INPP4A: variants seen among roughly 807,000 people sequenced by gnomAD.
The protein encoded by INPP4A is inositol polyphosphate-4-phosphatase type I A, also known as inositol polyphosphate-4-phosphatase, type I, 107kD.
In INPP4A, 33 loss-of-function variants were observed where a neutral mutation model predicts 119.8. The ratio of observed to expected loss-of-function variants is 0.28; its 90% CI spans 0.21 to 0.37. The LOEUF (loss-of-function observed/expected upper bound fraction) is 0.37, where lower values mean the gene tolerates loss of function less well. Among genes scored for constraint, INPP4A ranks in the 10% least tolerant of loss-of-function variants. The pLI is 1.00. For missense variants in INPP4A, 956 were observed against 1,289.9 expected (o/e 0.74, Z 3.97); for synonymous variants, 496 against 500.7 (o/e 0.99, Z 0.12).
chr2:98,445,138 CCGGGGA>C (rs1693949630), intron 1 of INPP4A, 53 bp downstream of exon 1: 1 of 151,404 alleles, frequency 6.6e-6, no homozygotes, highest in Non-Finnish European at 1.5e-5. Context: ...GGGGCCGGGG[CCGGGGA>C]CGGACAGCGG....
intron 24 of INPP4A, among the ~76,000 whole-genome samples, chr2:98,585,549 C>T (rs1180486648): frequency 6.6e-6 from 1 of 152,238 alleles, no homozygotes; most frequent in Non-Finnish European, 1.5e-5. Context: ...TTGGCCTCTG[C>T]AGCAGGAAAC....
At chr2:98,571,183 A>G (rs1352101014) in intron 22 of INPP4A, among the ~76,000 whole-genome samples, 1 of 152,212 alleles carries the variant, frequency 6.6e-6, no homozygotes, top group Non-Finnish European at 1.5e-5. Flanking sequence ...TGGGCCCCCT[A>G]CTATCCACTT....
intron 16 of INPP4A, among the ~76,000 whole-genome samples, chr2:98,558,431 G>A (rs575531163): frequency 1.3e-4 from 20 of 152,210 alleles, no homozygotes; most frequent in Non-Finnish European, 2.4e-4. Context: ...CATGGTCTCA[G>A]GGCATCTGGG....
chr2:98,523,896 A>G (rs1435300704), intron 4 of INPP4A, among the ~76,000 whole-genome samples: 5 of 152,248 alleles, frequency 3.3e-5, no homozygotes, highest in African/African-American at 9.6e-5. Flanking sequence ...ACAGAGTACT[A>G]TATGGAGATT....
chr2:98,463,878 C>T (rs887359192), intron 1 of INPP4A, among the ~76,000 whole-genome samples: 1 of 152,136 alleles, frequency 6.6e-6, no homozygotes, highest in Non-Finnish European at 1.5e-5. Flanking sequence ...GCTTTTCCTC[C>T]AGTCTCTGCT....
At chr2:98,525,100 G>C (rs899308573) in intron 4 of INPP4A, among the ~76,000 whole-genome samples, 1 of 152,106 alleles carries the variant, frequency 6.6e-6, no homozygotes, top group Admixed American at 6.6e-5. Flanking sequence ...TTGCTCATTC[G>C]CGTTGTTGGC....
chr2:98,559,430 T>TA, intron 16 of INPP4A, 33 bp from the exon 17 acceptor site: 1 of 1,613,660 alleles, frequency 6.2e-7, no homozygotes, highest in Non-Finnish European at 8.5e-7. Context: ...TGCTGCTCCT[T>TA]AATCATCCAT....
chr2:98,536,610 T>A (rs568551552), intron 7 of INPP4A, among the ~76,000 whole-genome samples: 6 of 152,244 alleles, frequency 3.9e-5, no homozygotes, highest in African/African-American at 1.4e-4. Context: ...ATGGAAGGAA[T>A]GAGTGAATGA....
intron 1 of INPP4A, among the ~76,000 whole-genome samples, chr2:98,494,439 C>T (rs550852348): frequency 9.2e-5 from 14 of 152,272 alleles, no homozygotes; most frequent in African/African-American, 3.4e-4. Flanking sequence ...GCACCCTGTT[C>T]ATAAAGTGGA....
At position 98,515,927 on chromosome 2, in the gene INPP4A, T is replaced by C; in HGVS notation, c.-165-3037T>C. Among the ~76,000 whole-genome samples, 2 of 152,226 alleles carry C rather than the reference T, an allele frequency of 1.3e-5. 1 individual carries two copies. Among genetic ancestry groups the C allele is most frequent in the Middle Eastern group, 6.3e-3 (2 of 316 alleles). On this transcript the variant is annotated intron_variant, in intron 1 of 24. Coordinates refer to ENST00000409851, the MANE Select transcript of INPP4A (RefSeq NM_001134225.2). ...AGGGTTTACTGTCCACTTGATGGCC[T>C]GCCGCCTCTTGTCGGAGGGGTCACA...
chr2:98,524,506 G>A lies in INPP4A; in HGVS notation c.151+3775G>A, dbSNP rs374979141. On this transcript the variant is annotated intron_variant, in intron 4 of 24. Transcript: ENST00000409851. ...CCCTTGTACGAAGGCATGTTCTGAA[G>A]GTGGCCATGGGACCATCAACCCTTA... Among the ~76,000 whole-genome samples, 79 of 152,292 alleles carry A rather than the reference G, an allele frequency of 5.2e-4. 1 individual carries two copies. The South Asian group carries it at 0.016, about 30-fold the overall frequency.
At chr2:98,573,881 A>G (rs1359074260) in intron 23 of INPP4A, among the ~76,000 whole-genome samples, 1 of 152,142 alleles carries the variant, frequency 6.6e-6, no homozygotes, top group Non-Finnish European at 1.5e-5. Flanking sequence ...GGCTGCTGAT[A>G]CCATTTTGTT....
In INPP4A at chr2:98,484,373, C is replaced by G. The variant is rs3769732; in HGVS notation, c.-165-34591C>G. Among the ~76,000 whole-genome samples the G allele has an allele frequency of 6.6e-4, 100 of 152,282 alleles. 2 individuals are homozygous for G. The East Asian group carries it at 0.01, about 15-fold the overall frequency. On this transcript the variant is annotated intron_variant, in intron 1 of 24. Coordinates refer to ENST00000409851, the MANE Select transcript of INPP4A (RefSeq NM_001134225.2). ...CTCCTCCCTGTCAGGCTCACTGTAT[C>G]TTTGTTTCCCATGATCCTGCAGTCA...
At chr2:98,553,145 C>T (rs1411890463) in intron 14 of INPP4A, among the ~76,000 whole-genome samples, 176 bp downstream of exon 14, 4 of 152,220 alleles carry the variant, frequency 2.6e-5, no homozygotes, top group African/African-American at 9.6e-5. Context: ...GTGATTTGTC[C>T]GCAGAGCTGG....
chr2:98,539,042 G>C (rs1041356975), intron 9 of INPP4A, 61 bp downstream of exon 9: 19 of 961,400 alleles, frequency 2.0e-5, no homozygotes, highest in Non-Finnish European at 3.0e-5. Context: ...TGGGCCCGCA[G>C]TCCCCTTTGC....
At chr2:98,537,322 G>A (rs1002057830) in intron 7 of INPP4A, among the ~76,000 whole-genome samples, 1 of 152,210 alleles carries the variant, frequency 6.6e-6, no homozygotes. Flanking sequence ...GGATGTCAGG[G>A]TAAAGCTGAC....
chr2:98,505,766 C>T (rs1219625370), intron 1 of INPP4A, among the ~76,000 whole-genome samples: 1 of 152,180 alleles, frequency 6.6e-6, no homozygotes, highest in Non-Finnish European at 1.5e-5. Context: ...TTTCCCCTTC[C>T]ACTTTCCTGT....
intron 1 of INPP4A, among the ~76,000 whole-genome samples, chr2:98,467,152 C>T (rs1674955481): frequency 6.6e-6 from 1 of 152,066 alleles, no homozygotes; most frequent in Non-Finnish European, 1.5e-5. Context: ...GGTGGTGTCC[C>T]AGGCTCTTTT....
At chr2:98,477,357 G>T (rs1165595961) in intron 1 of INPP4A, among the ~76,000 whole-genome samples, 1 of 152,234 alleles carries the variant, frequency 6.6e-6, no homozygotes, top group Non-Finnish European at 1.5e-5. Flanking sequence ...TGGTGGTACA[G>T]CTTGGTCTTC....
Sources: allele counts gnomAD v4.1 joint callset (sites outside exome capture counted in the v4.1 genomes callset), GRCh38; gene constraint gnomAD v4.1.1; transcripts MANE v1.5; gene names NCBI Gene and HGNC (gene_info 2026-07-23, HGNC 2026-07-21).